Variants in PDE4D observed in about 807,000 individuals in gnomAD.
PDE4D encodes the protein phosphodiesterase 4D, also known as 3',5'-cyclic-AMP phosphodiesterase 4D.
PDE4D carries 24 observed loss-of-function variants against 87.4 expected under a neutral mutation model. That is an observed-to-expected ratio of 0.27 (90% CI 0.20 to 0.39). The LOEUF is 0.39. PDE4D is among the 10% of genes least tolerant of loss of function. The pLI, the probability that PDE4D is intolerant of heterozygous loss-of-function variation, is 1.00. For missense variants in PDE4D, 714 were observed against 1,041.0 expected (o/e 0.69, Z 4.32); for synonymous variants, 384 against 383.2 (o/e 1.00, Z -0.02).
At chr5:59,574,704 C>T (rs146873542) in intron 1 of PDE4D, among the ~76,000 whole-genome samples, 2,638 of 152,194 alleles carry the variant, frequency 0.017, 84 homozygotes, top group African/African-American at 0.06. Flanking sequence ...TTTCATACTC[C>T]TTATTACTTT....
chr5:59,792,515 T>C (rs1765924366), intron 1 of PDE4D, among the ~76,000 whole-genome samples: 1 of 151,126 alleles, frequency 6.6e-6, no homozygotes, highest in African/African-American at 2.4e-5. Flanking sequence ...GGGTGGCCAA[T>C]GCAACAATGC....
chr5:60,498,900 C>T (rs1244925661), intron 1 of PDE4D, among the ~76,000 whole-genome samples: 1 of 152,168 alleles, frequency 6.6e-6, no homozygotes, highest in African/African-American at 2.4e-5. Flanking sequence ...GCTACCTATC[C>T]CATCTCACCT....
intron 1 of PDE4D, among the ~76,000 whole-genome samples, chr5:59,326,798 C>T (rs1775755859): frequency 6.6e-6 from 1 of 152,116 alleles, no homozygotes; most frequent in African/African-American, 2.4e-5. Flanking sequence ...AACTTTCTTG[C>T]ATTTCCATTG....
intron 1 of PDE4D, among the ~76,000 whole-genome samples, chr5:59,547,811 G>A (rs1489290771): frequency 6.6e-6 from 1 of 152,006 alleles, no homozygotes; most frequent in Non-Finnish European, 1.5e-5. Context: ...CCTACTGATG[G>A]AACTGACCTC....
At chr5:60,240,616 C>T (rs1007837604) in intron 1 of PDE4D, among the ~76,000 whole-genome samples, 2 of 152,244 alleles carry the variant, frequency 1.3e-5, no homozygotes, top group Admixed American at 6.5e-5. Flanking sequence ...TGACCCAACG[C>T]AGTCTCAGTG....
At chr5:60,001,919 A>G (rs1764061138) in intron 2 of PDE4D, among the ~76,000 whole-genome samples, 1 of 151,322 alleles carries the variant, frequency 6.6e-6, no homozygotes. Context: ...TCCAGAAAAG[A>G]CAACAAGGAA....
intron 1 of PDE4D, among the ~76,000 whole-genome samples, chr5:59,770,534 G>A (rs1407049867): frequency 6.6e-6 from 1 of 152,052 alleles, no homozygotes. Flanking sequence ...GTAAAAACTA[G>A]AATGAACAAA....
At chr5:60,405,955 G>T (rs1487499303) in intron 1 of PDE4D, among the ~76,000 whole-genome samples, 2 of 151,906 alleles carry the variant, frequency 1.3e-5, no homozygotes, top group African/African-American at 4.8e-5. Context: ...CACCCACAGG[G>T]GTTCCTTATT....
chr5:59,647,472 T>TTA (rs5868189), intron 1 of PDE4D, among the ~76,000 whole-genome samples: 107,279 of 149,782 alleles, frequency 0.72, 39,006 homozygotes, highest in South Asian at 0.88. Context: ...TTTTTTTTTT[T>TTA]AATTAAAATA....
chr5:60,470,472 T>A (rs1747730212), intron 1 of PDE4D, among the ~76,000 whole-genome samples: 1 of 152,148 alleles, frequency 6.6e-6, no homozygotes, highest in African/African-American at 2.4e-5. Context: ...ACAACAGATC[T>A]TCAATCTAGA....
At chr5:59,323,260 TGAGA>T (rs1483791681) in intron 1 of PDE4D, among the ~76,000 whole-genome samples, 3 of 152,124 alleles carry the variant, frequency 2.0e-5, no homozygotes, top group Non-Finnish European at 4.4e-5. Flanking sequence ...TAATTCTTTC[TGAGA>T]GAGAGGCAAT....
intron 5 of PDE4D, chr5:59,180,355 G>A (rs770526239): frequency 2.2e-5 from 15 of 683,516 alleles, no homozygotes; most frequent in Non-Finnish European, 3.5e-5. Context: ...ATGAGTATAA[G>A]CACATAGTTA....
chr5:59,918,735 C>G (rs1754346220), intron 3 of PDE4D, among the ~76,000 whole-genome samples: 1 of 152,062 alleles, frequency 6.6e-6, no homozygotes, highest in African/African-American at 2.4e-5. Context: ...CAAGAAGTTG[C>G]GACCGTCAGT....
intron 2 of PDE4D, among the ~76,000 whole-genome samples, chr5:59,209,190 T>G (rs867346014): frequency 1.3e-4 from 19 of 151,184 alleles, no homozygotes; most frequent in Admixed American, 1.2e-3. Context: ...TCTTTAATCA[T>G]TTTTTTTTGT....
intron 1 of PDE4D, among the ~76,000 whole-genome samples, chr5:59,632,579 T>C (rs184267108): frequency 1.3e-5 from 2 of 152,346 alleles, no homozygotes. Flanking sequence ...CTGCAGGCTC[T>C]GCTAGTGATA....
chr5:59,668,092 C>T (rs1014813148), intron 1 of PDE4D, among the ~76,000 whole-genome samples: 1 of 152,120 alleles, frequency 6.6e-6, no homozygotes, highest in Non-Finnish European at 1.5e-5. Context: ...CAGTTCAAGT[C>T]TCTTTGATGT....
intron 1 of PDE4D, among the ~76,000 whole-genome samples, chr5:60,357,975 C>G (rs1208510356): frequency 6.6e-6 from 1 of 152,186 alleles, no homozygotes; most frequent in Non-Finnish European, 1.5e-5. Flanking sequence ...TACACAGTAT[C>G]TCATTTAATC....
chr5:59,495,702 T>G (rs2153662180), intron 1 of PDE4D, among the ~76,000 whole-genome samples: 1 of 152,306 alleles, frequency 6.6e-6, no homozygotes, highest in African/African-American at 2.4e-5. Flanking sequence ...CTTTGAGACC[T>G]GGAACCAGTC....
intron 1 of PDE4D, among the ~76,000 whole-genome samples, chr5:60,482,578 G>A (rs1208467648): frequency 6.6e-6 from 1 of 152,202 alleles, no homozygotes; most frequent in African/African-American, 2.4e-5. Flanking sequence ...TGATAAGAGT[G>A]GAGTCACAAG....
Sources: allele counts gnomAD v4.1 joint callset (sites outside exome capture counted in the v4.1 genomes callset), GRCh38; gene constraint gnomAD v4.1.1; transcripts MANE v1.5; gene names NCBI Gene and HGNC (gene_info 2026-07-23, HGNC 2026-07-21).